CNTN5: variants seen among roughly 807,000 people sequenced by gnomAD.
The protein encoded by CNTN5 is contactin-5.
Under a neutral mutation model 129.1 loss-of-function variants are expected in CNTN5, and 77 were observed. The observed-to-expected ratio is 0.60, with a 90% CI of 0.50 to 0.72. CNTN5 has a LOEUF of 0.72. Ranked by LOEUF, CNTN5 falls within the 30% of genes least tolerant of loss-of-function variation. The pLI is 0.00. For missense variants in CNTN5, 1,478 were observed against 1,328.8 expected (o/e 1.11, Z -1.75); for synonymous variants, 509 against 465.6 (o/e 1.09, Z -1.20).
At chr11:99,145,650 C>T (rs1859747672) in intron 1 of CNTN5, among the ~76,000 whole-genome samples, 1 of 152,002 alleles carries the variant, frequency 6.6e-6, no homozygotes, top group Non-Finnish European at 1.5e-5. Context: ...ATTTATCTCT[C>T]CAAAATAGAT....
intron 8 of CNTN5, among the ~76,000 whole-genome samples, 188 bp from the exon 9 acceptor site, chr11:100,001,846 G>A (rs757946157): frequency 1.3e-5 from 2 of 152,090 alleles, no homozygotes; most frequent in Non-Finnish European, 2.9e-5. Context: ...GTCCTCAGGG[G>A]AAGACTAGGA....
chr11:99,452,731 A>G (rs761917573), intron 2 of CNTN5, among the ~76,000 whole-genome samples: 32 of 152,164 alleles, frequency 2.1e-4, no homozygotes, highest in Admixed American at 6.5e-4. Flanking sequence ...GTAGATTATT[A>G]TAGTTCTATG....
At chr11:99,671,064 C>A (rs536642033) in intron 3 of CNTN5, among the ~76,000 whole-genome samples, 1 of 151,806 alleles carries the variant, frequency 6.6e-6, no homozygotes, top group South Asian at 2.1e-4. Flanking sequence ...TGCGCTTGCA[C>A]GTGCTCTCTC....
At chr11:99,681,406 G>C (rs1051283055) in intron 3 of CNTN5, among the ~76,000 whole-genome samples, 3 of 151,930 alleles carry the variant, frequency 2.0e-5, no homozygotes, top group African/African-American at 7.3e-5. Context: ...AGAAATTGCC[G>C]CAGCCACTGC....
rs1466146122 is a variant in CNTN5 at position 100,358,336 on chromosome 11, G to T, written c.*2116G>T. The T allele has an allele frequency of 2.6e-5, 4 of 151,770 alleles. No individual in the cohort carries two copies. The highest frequency in any genetic ancestry group is 5.9e-5 in the Non-Finnish European group (4 of 67,814). The allele number at this position is 151,770 out of a possible 1,614,324, so 9.4% of individuals were successfully genotyped here. A position where few individuals can be genotyped will look rare whatever the true frequency, so the allele number is the denominator to read the frequency against. The stretch of plus-strand genomic sequence containing the variant: ...TAACCAATATTTTTAATTAGCTGAT[G>T]GATGGTACGTATCTGACAGAGTATT... On this transcript the variant is annotated 3_prime_UTR_variant, in exon 25 of 25. Transcript: ENST00000524871.
intron 14 of CNTN5, among the ~76,000 whole-genome samples, chr11:100,191,823 A>G (rs963736517): frequency 3.3e-5 from 5 of 151,976 alleles, no homozygotes; most frequent in Non-Finnish European, 4.4e-5. Flanking sequence ...TCGTTCTAAA[A>G]TGAGCTCGAT....
At chr11:99,429,324 T>TA (rs1943265249) in intron 2 of CNTN5, among the ~76,000 whole-genome samples, 1 of 152,136 alleles carries the variant, frequency 6.6e-6, no homozygotes, top group Admixed American at 6.6e-5. Flanking sequence ...TACATACAGG[T>TA]ATAGACACAT....
intron 3 of CNTN5, among the ~76,000 whole-genome samples, chr11:99,808,775 T>G (rs1946346175): frequency 6.6e-6 from 1 of 152,162 alleles, no homozygotes; most frequent in Non-Finnish European, 1.5e-5. Flanking sequence ...CACTTTTTCT[T>G]GGTATCAGCT....
intron 2 of CNTN5, among the ~76,000 whole-genome samples, chr11:99,357,314 C>T (rs1215985887): frequency 3.3e-5 from 5 of 152,092 alleles, no homozygotes; most frequent in Non-Finnish European, 5.9e-5. Context: ...TACCTGAGAT[C>T]CAATAGTTAT....
intron 3 of CNTN5, among the ~76,000 whole-genome samples, chr11:99,641,087 A>G (rs1951754762): frequency 6.6e-6 from 1 of 152,216 alleles, no homozygotes; most frequent in African/African-American, 2.4e-5. Flanking sequence ...AGGAGGTTAA[A>G]AATTGGGAGG....
chr11:99,659,032 C>A (rs1256496428), intron 3 of CNTN5, among the ~76,000 whole-genome samples: 1 of 152,056 alleles, frequency 6.6e-6, no homozygotes, highest in East Asian at 1.9e-4. Flanking sequence ...CCAACCCCTG[C>A]CACAGTTGAT....
At chr11:99,439,612 G>A (rs543448407) in intron 2 of CNTN5, among the ~76,000 whole-genome samples, 45 of 148,322 alleles carry the variant, frequency 3.0e-4, no homozygotes, top group Middle Eastern at 3.5e-3. Flanking sequence ...GGAGGCTGAG[G>A]CAGGAGAATC....
At chr11:99,964,830 A>C (rs576787047) in intron 8 of CNTN5, among the ~76,000 whole-genome samples, 43 of 152,202 alleles carry the variant, frequency 2.8e-4, no homozygotes, top group South Asian at 2.3e-3. Context: ...TATTGCCTCA[A>C]TTTCAGAGCC....
At chr11:99,847,627 C>T (rs999823605) in intron 6 of CNTN5, among the ~76,000 whole-genome samples, 7 of 152,080 alleles carry the variant, frequency 4.6e-5, no homozygotes, top group African/African-American at 1.7e-4. Flanking sequence ...CACCTAGATG[C>T]CATTATGCTT....
In CNTN5 at chr11:99,736,713, T is replaced by C. The variant is rs571382920; in HGVS notation, c.56-82831T>C. 7.2e-5 allele frequency among the ~76,000 whole-genome samples: 11 copies of C among 152,270 alleles called. 1 individual carries two copies. The South Asian group carries it at 2.3e-3, about 32-fold the overall frequency. ...AGAAGGATACATTGACGGTGATATTTATACCAAAAATTTTAAATATACTGC... is the reference window on the plus strand; with the variant it reads ...AGAAGGATACATTGACGGTGATATTCATACCAAAAATTTTAAATATACTGC... On this transcript the variant is annotated intron_variant, in intron 3 of 24. Coordinates refer to ENST00000524871, the MANE Select transcript of CNTN5 (RefSeq NM_014361.4).
chr11:100,013,887 A>T (rs1381573237), intron 9 of CNTN5, among the ~76,000 whole-genome samples: 1 of 152,198 alleles, frequency 6.6e-6, no homozygotes, highest in Non-Finnish European at 1.5e-5. Context: ...TTTTAAATCT[A>T]TCATAGTACA....
intron 1 of CNTN5, among the ~76,000 whole-genome samples, chr11:99,136,816 C>T (rs1859250782): frequency 6.6e-6 from 1 of 151,888 alleles, no homozygotes; most frequent in Non-Finnish European, 1.5e-5. Flanking sequence ...TGTGTTTCAT[C>T]CCACTGTTGA....
chr11:99,123,069 G>T (rs1858434425), intron 1 of CNTN5, among the ~76,000 whole-genome samples: 1 of 152,116 alleles, frequency 6.6e-6, no homozygotes, highest in Non-Finnish European at 1.5e-5. Context: ...CCCAAAATGG[G>T]ATTACTGGGT....
At chr11:99,649,317 G>T (rs1222048855) in intron 3 of CNTN5, among the ~76,000 whole-genome samples, 1 of 151,548 alleles carries the variant, frequency 6.6e-6, no homozygotes, top group Non-Finnish European at 1.5e-5. Context: ...CAACCATTTA[G>T]TTTTATCCTG....
Sources: allele counts gnomAD v4.1 joint callset (sites outside exome capture counted in the v4.1 genomes callset), GRCh38; gene constraint gnomAD v4.1.1; transcripts MANE v1.5; gene names NCBI Gene and HGNC (gene_info 2026-07-23, HGNC 2026-07-21).